Variants in ZNF777 observed in about 807,000 individuals in gnomAD.
ZNF777 encodes zinc finger protein 777.
ZNF777 carries 7 observed loss-of-function variants against 72.1 expected under a neutral mutation model. The ratio of observed to expected loss-of-function variants is 0.10; its 90% CI spans 0.06 to 0.18. The LOEUF (loss-of-function observed/expected upper bound fraction) is 0.18. Among genes scored for constraint, ZNF777 ranks in the 10% least tolerant of loss-of-function variants. ZNF777 has a pLI of 1.00. For synonymous variants in ZNF777, 545 were observed against 483.5 expected (o/e 1.13, Z -1.67); for missense variants, 828 against 1,128.6 (o/e 0.73, Z 3.82).
chr7:149,432,322 G>A lies in ZNF777; in HGVS notation c.1950C>T (p.Ser650=), dbSNP rs1563232320. Residue 650 remains serine, a synonymous_variant, in exon 6 of 6, where the codon AGC becomes AGT. Coordinates refer to ENST00000247930, the MANE Select transcript of ZNF777 (RefSeq NM_015694.3). The part of the protein sequence containing the change: ...ECDSSFSHKS[S]LTKHQITHTG... ...TGTGCGTGATCTGGTGTTTGGTCAG[G>A]CTGGACTTGTGGCTGAAGCTGCTGT... 3 of 1,610,086 alleles carry A rather than the reference G, an allele frequency of 1.9e-6. 1 individual carries two copies. In the South Asian group the frequency reaches 3.3e-5, roughly 18 times the overall value.
chr7:149,436,250 C>G lies in ZNF777; in HGVS notation c.1339+325G>C, dbSNP rs1317796322. Among the ~76,000 whole-genome samples, 1 of 152,136 alleles carries G rather than the reference C, an allele frequency of 6.6e-6. No homozygotes were observed. The highest frequency in any genetic ancestry group is 1.5e-5 in the Non-Finnish European group (1 of 68,020). On this transcript the variant is annotated intron_variant, in intron 5 of 5. Coordinates refer to ENST00000247930, the MANE Select transcript of ZNF777 (RefSeq NM_015694.3). The surrounding 1 kb of genome is among the most constrained non-coding windows in gnomAD (Gnocchi z 5.0). Reference sequence around the variant, plus strand: ...TGATCAAGGACACGTTGGGAGAGTTCTAGCTTTGCCACTCTCTGTGTGGCC... The same window carrying G: ...TGATCAAGGACACGTTGGGAGAGTTGTAGCTTTGCCACTCTCTGTGTGGCC...
chr7:149,450,697 T>C (rs913110306), intron 4 of ZNF777, among the ~76,000 whole-genome samples: 1 of 152,230 alleles, frequency 6.6e-6, no homozygotes, highest in African/African-American at 2.4e-5. Context: ...TAAGCACTAA[T>C]GACTGCTTGA....
chr7:149,458,480 G>A (rs1799876463), intron 1 of ZNF777, among the ~76,000 whole-genome samples: 1 of 150,750 alleles, frequency 6.6e-6, no homozygotes, highest in Admixed American at 6.6e-5. Context: ...TCTGAGTAAT[G>A]CAGAGGTTTA....
chr7:149,452,075 C>T (rs935662803), intron 3 of ZNF777, among the ~76,000 whole-genome samples: 7 of 151,446 alleles, frequency 4.6e-5, no homozygotes, highest in African/African-American at 1.7e-4. Context: ...ACCATCCTGG[C>T]TAACATGGTG....
Position 149,452,616 on chromosome 7 carries a change from G to A in ZNF777, c.973+1495C>T, listed in dbSNP as rs1401160530. ...CCACTGCACTCCAGCCTGGGCAACA[G>A]AGCGAGACTCTGTCTCAAAAAAAAA... On this transcript the variant is annotated intron_variant, in intron 3 of 5. Transcript: ENST00000247930. Among the ~76,000 whole-genome samples, 11 of 144,378 alleles carry A rather than the reference G, an allele frequency of 7.6e-5. No individual in the cohort carries two copies. In the South Asian group the frequency reaches 8.6e-4, roughly 11 times the overall value. 94.7% of individuals were successfully genotyped at this position (144,378 alleles called of 152,430 possible).
intron 2 of ZNF777, 142 bp from the exon 3 acceptor site, chr7:149,454,379 A>G (rs934992934): frequency 1.0e-6 from 1 of 981,504 alleles, no homozygotes; most frequent in African/African-American, 1.6e-5. Context: ...CTGGCCCCAA[A>G]GAGTGAGGGG....
rs759805588 is a variant in ZNF777 at position 149,436,434 on chromosome 7, G to A, written c.1339+141C>T. The A allele has an allele frequency of 1.1e-5, 11 of 1,021,810 alleles. No homozygotes were observed. Among genetic ancestry groups the A allele is most frequent in the Admixed American group, 7.0e-5 (3 of 42,650 alleles). The allele number at this position is 1,021,810 out of a possible 1,614,324, so 63.3% of individuals were successfully genotyped here. A position where few individuals can be genotyped will look rare whatever the true frequency, so the allele number is the denominator to read the frequency against. ...CGTCACGGAGCCTATACTCGAGGCC[G>A]TGCTTGGTAATTCTTTCCCACCTGT... is the stretch of plus-strand genomic sequence containing the variant. On this transcript the variant is annotated intron_variant, in intron 5 of 5. Coordinates refer to ENST00000247930, the MANE Select transcript of ZNF777 (RefSeq NM_015694.3). This position sits in a 1 kb window ranked among gnomAD's most constrained non-coding sequence, Gnocchi z 5.0.
chr7:149,459,821 C>T (rs1799910916), intron 1 of ZNF777: 1 of 984,750 alleles, frequency 1.0e-6, no homozygotes, highest in Non-Finnish European at 1.2e-6. Flanking sequence ...CCCCGACGGA[C>T]GCAGCGCGGG....
At chr7:149,437,350 T>C (rs1181334877) in intron 4 of ZNF777, among the ~76,000 whole-genome samples, 1 of 152,142 alleles carries the variant, frequency 6.6e-6, no homozygotes, top group African/African-American at 2.4e-5. Context: ...TTAACACAGT[T>C]TCTCTCTCAT....
chr7:149,456,229 C>T (rs565500813), intron 1 of ZNF777, among the ~76,000 whole-genome samples, 192 bp from the exon 2 acceptor site: 25 of 152,260 alleles, frequency 1.6e-4, no homozygotes, highest in African/African-American at 6.0e-4. Flanking sequence ...TTATGAACCG[C>T]AAATGAAAGA....
intron 1 of ZNF777, among the ~76,000 whole-genome samples, chr7:149,459,206 T>C (rs896893292): frequency 1.3e-5 from 2 of 152,140 alleles, no homozygotes; most frequent in African/African-American, 2.4e-5. Flanking sequence ...GTGTACACAA[T>C]AGGAAACTGA....
chr7:149,456,443 T>A (rs756595246), intron 1 of ZNF777, among the ~76,000 whole-genome samples: 4 of 152,136 alleles, frequency 2.6e-5, no homozygotes, highest in Non-Finnish European at 5.9e-5. Flanking sequence ...TGTGTCCTCA[T>A]CCATAAAACG....
intron 1 of ZNF777, among the ~76,000 whole-genome samples, chr7:149,458,697 T>C (rs998640961): frequency 1.3e-5 from 2 of 151,990 alleles, no homozygotes; most frequent in African/African-American, 2.4e-5. Context: ...CACAGGAGGG[T>C]GTTCCCTCCC....
At chr7:149,453,309 G>A (rs950444459) in intron 3 of ZNF777, among the ~76,000 whole-genome samples, 2 of 151,986 alleles carry the variant, frequency 1.3e-5, no homozygotes, top group African/African-American at 2.4e-5. Flanking sequence ...TTAAAAGGAA[G>A]GGAATGTATC....
In ZNF777 at chr7:149,461,024, A is replaced by G. The variant is rs1352131719; in HGVS notation, c.-225T>C. ...AAAACCTGCGCTCACAAAGGGATCT[A>G]AGAAACCCGTCACACCAGAGAAAGC... On this transcript the variant is annotated 5_prime_UTR_variant, in exon 1 of 6. Transcript: ENST00000247930. 1 of 152,328 alleles carries G rather than the reference A, an allele frequency of 6.6e-6. No individual in the cohort carries two copies. Among genetic ancestry groups the G allele is most frequent in the Non-Finnish European group, 1.5e-5 (1 of 68,108 alleles). 9.4% of individuals were successfully genotyped at this position (152,328 alleles called of 1,614,324 possible). A position where few individuals can be genotyped will look rare whatever the true frequency, so the allele number is the denominator to read the frequency against.
At chr7:149,449,060 G>A (rs960159046) in intron 4 of ZNF777, among the ~76,000 whole-genome samples, 1 of 152,216 alleles carries the variant, frequency 6.6e-6, no homozygotes, top group African/African-American at 2.4e-5. Flanking sequence ...TCTGCAAAAG[G>A]AGAAGGCGCT....
At chr7:149,454,321 T>C in intron 2 of ZNF777, 84 bp from the exon 3 acceptor site, 1 of 1,569,524 alleles carries the variant, frequency 6.4e-7, no homozygotes, top group East Asian at 2.3e-5. Flanking sequence ...CCCAAACTCC[T>C]GGCTCTGGGC....
intron 5 of ZNF777, among the ~76,000 whole-genome samples, chr7:149,433,673 C>A (rs1029989544): frequency 2.0e-5 from 3 of 152,200 alleles, no homozygotes; most frequent in South Asian, 4.1e-4. Flanking sequence ...GATCAGGAAC[C>A]CAGCCTTTTG....
chr7:149,449,382 G>A (rs915202476), intron 4 of ZNF777, among the ~76,000 whole-genome samples: 1 of 152,174 alleles, frequency 6.6e-6, no homozygotes, highest in African/African-American at 2.4e-5. Flanking sequence ...GAATGGATTT[G>A]GGTTATTTGC....
Sources: allele counts gnomAD v4.1 joint callset (sites outside exome capture counted in the v4.1 genomes callset), GRCh38; gene constraint gnomAD v4.1.1; non-coding constraint Gnocchi (gnomAD v3.1); transcripts MANE v1.5; gene names NCBI Gene and HGNC (gene_info 2026-07-23, HGNC 2026-07-21).